CTIF: variants seen among roughly 807,000 people sequenced by gnomAD.
The protein encoded by CTIF is CBP80/20-dependent translation initiation factor.
A neutral mutation model predicts 66.0 loss-of-function variants in CTIF; 21 were observed. The observed-to-expected ratio is 0.32, with a 90% confidence interval of 0.23 to 0.46. The LOEUF (loss-of-function observed/expected upper bound fraction) is 0.46, where lower values mean the gene tolerates loss of function less well. Ranked by LOEUF, CTIF falls within the 20% of genes least tolerant of loss-of-function variation. The probability of loss-of-function intolerance (pLI) is 1.00; values close to 1 mark genes in which losing one functional copy is unlikely to be tolerated. For missense variants in CTIF, 739 were observed against 812.7 expected, an observed-to-expected ratio of 0.91 and a Z score of 1.10; for synonymous variants, 345 against 326.4, an observed-to-expected ratio of 1.06 and a Z score of -0.62.
intron 7 of CTIF, among the ~76,000 whole-genome samples, chr18:48,750,052 C>T (rs1020340668): frequency 2.0e-5 from 3 of 152,260 alleles, no homozygotes; most frequent in Non-Finnish European, 4.4e-5. Flanking sequence ...TCTTGGAATG[C>T]TGGATTCACC....
At chr18:48,736,173 C>T (rs866101025) in intron 7 of CTIF, among the ~76,000 whole-genome samples, 10 of 152,184 alleles carry the variant, frequency 6.6e-5, no homozygotes, top group South Asian at 2.1e-4. Flanking sequence ...GTGCAGAAAG[C>T]GGGTTCCTCT....
intron 1 of CTIF, among the ~76,000 whole-genome samples, chr18:48,598,144 T>A (rs2090021133): frequency 1.3e-5 from 2 of 152,152 alleles, no homozygotes; most frequent in African/African-American, 4.8e-5. Context: ...AAACCCCAGC[T>A]GAGGGTAATG....
chr18:48,658,158 T>C (rs299755), intron 3 of CTIF, among the ~76,000 whole-genome samples: 119,990 of 152,006 alleles, frequency 0.79, 48,821 homozygotes, highest in East Asian at 0.91. Flanking sequence ...TATGTTTGTG[T>C]GTGATGTGTG....
rs1459662144 is a variant in CTIF, at chr18:48,757,987, A to G, written c.653A>G (p.Lys218Arg). 3.1e-6 allele frequency: 5 copies of G among 1,613,978 alleles called. No homozygotes were observed. The highest frequency in any genetic ancestry group is 1.7e-5 in the Admixed American group (1 of 60,022). The change falls in exon 8 of 12, where the codon AAA (lysine) becomes AGA (arginine). Residue 218 changes from lysine (K) to arginine (R), a missense_variant. Around this residue, in one of 2 missense-constraint regions of CTIF, gnomAD observed 529 missense variants for 520.3 expected, o/e 1.02. Coordinates refer to ENST00000256413, the MANE Select transcript of CTIF (RefSeq NM_014772.3). ...QHGDHQPGSA[K>R]HNRDHQKSYQ... ...GGTGACCACCAGCCAGGCAGTGCCA[A>G]ACACAACAGGGACCACCAGAAATCC...
rs763363458 is a variant in CTIF at position 48,761,699 on chromosome 18, C to T, written c.1371+10C>T. 2.9e-5 allele frequency: 47 copies of T among 1,600,376 alleles called. No homozygotes were observed. Among genetic ancestry groups the T allele is most frequent in the Admixed American group, 5.0e-5 (3 of 59,724 alleles). On this transcript the variant is annotated intron_variant, in intron 9 of 11. Coordinates refer to ENST00000256413, the MANE Select transcript of CTIF (RefSeq NM_014772.3). The surrounding 1 kb of genome is among the most constrained non-coding windows in gnomAD (Gnocchi z 4.2). ...CCTCAACATGCTGCAGGTAACTGGA[C>T]GCCGGCCACCACCGCCCCGCGCCCC... is the stretch of plus-strand genomic sequence containing the variant.
At chr18:48,830,730 AGACCCCCCCCC>A (rs1371453470) in intron 10 of CTIF, among the ~76,000 whole-genome samples, 4 of 37,086 alleles carry the variant, frequency 1.1e-4, no homozygotes, top group African/African-American at 2.1e-4. Flanking sequence ...TCAGTTTCTC[AGACCCCCCCCC>A]GACCACGCCC....
chr18:48,694,638 T>C (rs2091979267), intron 6 of CTIF, among the ~76,000 whole-genome samples: 2 of 152,242 alleles, frequency 1.3e-5, no homozygotes, highest in Admixed American at 1.3e-4. Context: ...AAGACCTTTT[T>C]ATGTGGTGCA....
At chr18:48,561,326 C>G (rs1317930253) in intron 1 of CTIF, among the ~76,000 whole-genome samples, 2 of 151,956 alleles carry the variant, frequency 1.3e-5, no homozygotes, top group Non-Finnish European at 2.9e-5. Flanking sequence ...GCTTGAAGCC[C>G]CTTTTATATG....
intron 1 of CTIF, among the ~76,000 whole-genome samples, chr18:48,587,046 GTGT>G (rs1016041263): frequency 3.4e-4 from 51 of 150,108 alleles, no homozygotes; most frequent in African/African-American, 1.3e-3. Flanking sequence ...GGCCACTCTA[GTGT>G]TGTAAAAAGT....
At chr18:48,679,380 A>C (rs2091700454) in intron 6 of CTIF, among the ~76,000 whole-genome samples, 1 of 152,186 alleles carries the variant, frequency 6.6e-6, no homozygotes, top group Non-Finnish European at 1.5e-5. Context: ...TGGCCTCATG[A>C]AGTGGTAGTC....
At chr18:48,742,445 T>C (rs1419385330) in intron 7 of CTIF, among the ~76,000 whole-genome samples, 1 of 152,220 alleles carries the variant, frequency 6.6e-6, no homozygotes, top group African/African-American at 2.4e-5. Flanking sequence ...TCTAAGAGGC[T>C]GAACCTGCCA....
chr18:48,853,510 C>G (rs957123003), intron 10 of CTIF, among the ~76,000 whole-genome samples: 2 of 152,148 alleles, frequency 1.3e-5, no homozygotes, highest in Non-Finnish European at 2.9e-5. Context: ...CTGGGTTGAC[C>G]GTTGCTCTCC....
At chr18:48,549,043 C>A (rs541271391) in intron 1 of CTIF, among the ~76,000 whole-genome samples, 1 of 151,910 alleles carries the variant, frequency 6.6e-6, no homozygotes, top group South Asian at 2.1e-4. Context: ...CTGAGGTTGT[C>A]CTGGGTAGGT....
Position 48,761,453 on chromosome 18 carries a change from C to A in CTIF, c.1135C>A (p.Leu379Met). The change falls in exon 9 of 12, where the codon CTG (leucine) becomes ATG (methionine). Residue 379 changes from leucine to methionine, a missense_variant. By Grantham distance (15) the Leu-to-Met change is conservative. Around this residue, in one of 2 missense-constraint regions of CTIF, gnomAD observed 529 missense variants for 520.3 expected, o/e 1.02. Transcript: ENST00000256413. This position sits in a 1 kb window ranked among gnomAD's most constrained non-coding sequence, Gnocchi z 4.2. ...QNKMDKLIEILNSMRNNSSDV... is the reference protein window; with the variant it reads ...QNKMDKLIEIMNSMRNNSSDV... Reference sequence around the variant, plus strand: ...CAAGATGGACAAGCTGATCGAGATCCTGAACAGCATGCGGAACAACAGCAG... The same window carrying A: ...CAAGATGGACAAGCTGATCGAGATCATGAACAGCATGCGGAACAACAGCAG... 2.5e-6 allele frequency: 4 copies of A among 1,614,170 alleles called. No individual in the cohort carries two copies. The highest frequency in any genetic ancestry group is 2.5e-6 in the Non-Finnish European group (3 of 1,180,050).
chr18:48,824,205 A>G, intron 10 of CTIF, among the ~76,000 whole-genome samples: 1 of 152,204 alleles, frequency 6.6e-6, no homozygotes, highest in East Asian at 1.9e-4. Flanking sequence ...AAACTATAAC[A>G]TATTATTTTA....
At chr18:48,793,314 G>A (rs4583322) in intron 9 of CTIF, among the ~76,000 whole-genome samples, 67,175 of 152,054 alleles carry the variant, frequency 0.44, 16,418 homozygotes, top group African/African-American at 0.67. Flanking sequence ...TCCTGGGAAA[G>A]TGGTGTCATT....
At chr18:48,636,791 G>T in intron 3 of CTIF, 106 bp downstream of exon 3, 1 of 776,468 alleles carries the variant, frequency 1.3e-6, no homozygotes, top group East Asian at 3.3e-5. Context: ...CATGGAGAGT[G>T]CAGAGAGGTG....
At chr18:48,732,337 C>T (rs1291333131) in intron 7 of CTIF, among the ~76,000 whole-genome samples, 1 of 152,136 alleles carries the variant, frequency 6.6e-6, no homozygotes, top group Non-Finnish European at 1.5e-5. Flanking sequence ...AAAATAGAAG[C>T]CTGTTTCCCC....
intron 7 of CTIF, among the ~76,000 whole-genome samples, chr18:48,743,271 G>A (rs1314913206): frequency 6.6e-6 from 1 of 152,118 alleles, no homozygotes; most frequent in African/African-American, 2.4e-5. Context: ...GTGTCCACAC[G>A]GAGCCAAGGC....
Sources: gnomAD v4.1 joint callset for allele counts (sites outside exome capture counted in the v4.1 genomes callset) on GRCh38, gnomAD v4.1.1 for gene constraint, gnomAD v4.1.1 regional missense constraint, Gnocchi (gnomAD v3.1) non-coding constraint, MANE v1.5 for transcripts, NCBI Gene and HGNC (gene_info 2026-07-23, HGNC 2026-07-21) for gene names.